Variants in MTNR1B observed in about 807,000 individuals in gnomAD.
MTNR1B encodes the protein melatonin receptor 1B, also known as melatonin receptor type 1B.
A neutral mutation model predicts 7.0 loss-of-function variants in MTNR1B; 7 were observed. The observed-to-expected ratio is 1.00, with a 90% confidence interval of 0.57 to 1.88. MTNR1B has a LOEUF of 1.88. MTNR1B is among the 40% of genes most tolerant of loss of function. MTNR1B has a pLI of 0.00. For synonymous variants in MTNR1B, 226 were observed against 208.2 expected, an observed-to-expected ratio of 1.09 and a Z score of -0.74; for missense variants, 478 against 486.5, an observed-to-expected ratio of 0.98 and a Z score of 0.16.
At chr11:92,975,080 GC>G (rs1857992159) in intron 1 of MTNR1B, among the ~76,000 whole-genome samples, 1 of 152,194 alleles carries the variant, frequency 6.6e-6, no homozygotes, top group Non-Finnish European at 1.5e-5. Context: ...GACTAATACA[GC>G]CCCTTTCTTG....
Position 92,971,097 on chromosome 11 carries a change from T to C in MTNR1B, c.223+1149T>C, listed in dbSNP as rs577155835. On this transcript the variant is annotated intron_variant, in intron 1 of 1. Transcript: ENST00000257068. Reference sequence around the variant, plus strand: ...GCCTCAGCCTCCCGAGTAGCTGGGATTACAGGCGCTCGCCACTACACCCAG... The same window carrying C: ...GCCTCAGCCTCCCGAGTAGCTGGGACTACAGGCGCTCGCCACTACACCCAG... Among the ~76,000 whole-genome samples the C allele has an allele frequency of 7.6e-4, 116 of 152,058 alleles. 1 individual carries two copies. Among genetic ancestry groups the C allele is most frequent in the African/African-American group, 2.7e-3 (113 of 41,398 alleles).
chr11:92,971,454 A>G lies in MTNR1B; in HGVS notation c.223+1506A>G, dbSNP rs529784344. ...AAGAAAAGCTTATATATTAGGGAAA[A>G]ACAGGTTATGATTAGAAAACTGCAT... On this transcript the variant is annotated intron_variant, in intron 1 of 1. Coordinates refer to ENST00000257068, the MANE Select transcript of MTNR1B (RefSeq NM_005959.5). Among the ~76,000 whole-genome samples, 15 of 152,312 alleles carry G rather than the reference A, an allele frequency of 9.8e-5. No homozygotes were observed. The East Asian group carries it at 1.9e-3, about 20-fold the overall frequency.
At chr11:92,977,820 A>G (rs566875150) in intron 1 of MTNR1B, among the ~76,000 whole-genome samples, 2 of 152,360 alleles carry the variant, frequency 1.3e-5, no homozygotes, top group South Asian at 4.1e-4. Flanking sequence ...ACACATTTAA[A>G]CAGATGGAAG....
chr11:92,984,143 C>T (rs1858162341), downstream of MTNR1B, among the ~76,000 whole-genome samples: 1 of 152,124 alleles, frequency 6.6e-6, no homozygotes, highest in Non-Finnish European at 1.5e-5. Context: ...ATGAAGAACC[C>T]AGGATTTTCT....
At chr11:92,975,327 T>C (rs1011218463) in intron 1 of MTNR1B, among the ~76,000 whole-genome samples, 1 of 152,234 alleles carries the variant, frequency 6.6e-6, no homozygotes, top group Non-Finnish European at 1.5e-5. Context: ...AAAGAGGCTG[T>C]CTGGGAGGTT....
Position 92,981,731 on chromosome 11 carries a change from GT to G in MTNR1B, c.509del (p.Val170GlyfsTer73). 1 of 1,614,216 alleles carries G rather than the reference GT, an allele frequency of 6.2e-7. No homozygotes were observed. The highest frequency in any genetic ancestry group is 2.2e-5 in the East Asian group (1 of 44,888). On this transcript the variant is annotated frameshift_variant, in exon 2 of 2. Transcript: ENST00000257068. LOFTEE classifies it low-confidence loss of function (END_TRUNC). ...HICLIWLLTV[V>X]ALLPNFFVGS... ...CTGCCTCATCTGGCTCCTCACCGTG[GT>G]GGCCTTGCTGCCCAACTTCTTTGTG... is the stretch of plus-strand genomic sequence containing the variant.
At chr11:92,977,818 A>G (rs7936652) in intron 1 of MTNR1B, among the ~76,000 whole-genome samples, 2,604 of 152,346 alleles carry the variant, frequency 0.017, 41 homozygotes, top group African/African-American at 0.042. Flanking sequence ...TTACACATTT[A>G]AACAGATGGA....
At chr11:92,972,358 A>G (rs1857940263) in intron 1 of MTNR1B, 1 of 454,924 alleles carries the variant, frequency 2.2e-6, no homozygotes, top group East Asian at 7.0e-5. Flanking sequence ...TTACTTGCCT[A>G]TCACAAACCC....
At chr11:92,971,724 C>T (rs1857926559) in intron 1 of MTNR1B, among the ~76,000 whole-genome samples, 1 of 152,126 alleles carries the variant, frequency 6.6e-6, no homozygotes, top group Non-Finnish European at 1.5e-5. Context: ...GAGTTGCTTC[C>T]TTTTGCTGGA....
At position 92,982,254 on chromosome 11, in the gene MTNR1B, G is replaced by A; in HGVS notation, c.1031G>A (p.Gly344Glu). Residue 344 changes from glycine to glutamate, a missense_variant, in exon 2 of 2, where the codon GGG becomes GAG. Coordinates refer to ENST00000257068, the MANE Select transcript of MTNR1B (RefSeq NM_005959.5). Reference sequence around the variant, plus strand: ...GCTTCCAAGGGCAGCCACGCGGAGGGGCTGCAGAGCCCAGCTCCACCCATC... The same window carrying A: ...GCTTCCAAGGGCAGCCACGCGGAGGAGCTGCAGAGCCCAGCTCCACCCATC... ...QDASKGSHAE[G>E]LQSPAPPIIG... The A allele has an allele frequency of 6.2e-7, 1 of 1,614,164 alleles. No homozygotes were observed. The highest frequency in any genetic ancestry group is 8.5e-7 in the Non-Finnish European group (1 of 1,180,028).
intron 1 of MTNR1B, among the ~76,000 whole-genome samples, chr11:92,973,610 A>C (rs1185284081): frequency 6.6e-6 from 1 of 151,738 alleles, no homozygotes; most frequent in Non-Finnish European, 1.5e-5. Flanking sequence ...TCCTTCCCCA[A>C]CTCCCCTGAA....
chr11:92,977,225 A>G (rs1858023099), intron 1 of MTNR1B, among the ~76,000 whole-genome samples: 2 of 152,194 alleles, frequency 1.3e-5, no homozygotes, highest in African/African-American at 2.4e-5. Context: ...TTAGATTTCA[A>G]CTCAGCTCTT....
intron 1 of MTNR1B, among the ~76,000 whole-genome samples, chr11:92,980,452 G>A (rs56174635): frequency 2.0e-5 from 3 of 152,204 alleles, no homozygotes; most frequent in East Asian, 1.9e-4. Context: ...TGCTCTATTC[G>A]TGAGTCAGTG....
chr11:92,974,882 G>A (rs1055760709), intron 1 of MTNR1B, among the ~76,000 whole-genome samples: 10 of 152,136 alleles, frequency 6.6e-5, no homozygotes, highest in Admixed American at 5.2e-4. Context: ...GATTACAGGC[G>A]TGAGCCACCG....
Position 92,981,601 on chromosome 11 carries a change from C to T in MTNR1B, c.378C>T (p.Gly126=), listed in dbSNP as rs144898464. 816 of 1,614,180 alleles carry T rather than the reference C, an allele frequency of 5.1e-4. 3 individuals carry two copies. The African/African-American group carries it at 6.6e-3, about 13-fold the overall frequency. ...SAFVMGLSVI[G]SVFNITAIAI... ...TTGTGATGGGCCTGAGCGTCATCGGCTCTGTCTTCAATATCACTGCCATCG... is the reference window on the plus strand; with the variant it reads ...TTGTGATGGGCCTGAGCGTCATCGGTTCTGTCTTCAATATCACTGCCATCG... The change falls in exon 2 of 2, where the codon GGC becomes GGT. Residue 126 remains glycine (G), a synonymous_variant. Transcript: ENST00000257068.
At position 92,982,040 on chromosome 11, in the gene MTNR1B, G is replaced by A. The variant is rs750191414; in HGVS notation, c.817G>A (p.Ala273Thr). The A allele has an allele frequency of 6.8e-6, 11 of 1,614,202 alleles. No individual in the cohort carries two copies. The highest frequency in any genetic ancestry group is 4.5e-5 in the East Asian group (2 of 44,872). ...GGCTCCACTTAACTGCATCGGCCTCGCTGTGGCCATCAACCCCCAAGAAAT... is the reference window on the plus strand; with the variant it reads ...GGCTCCACTTAACTGCATCGGCCTCACTGTGGCCATCAACCCCCAAGAAAT... The part of the protein sequence containing the change: ...CWAPLNCIGL[A>T]VAINPQEMAP... Residue 273 changes from alanine to threonine, a missense_variant, in exon 2 of 2, where the codon GCT becomes ACT. Transcript: ENST00000257068.
intron 1 of MTNR1B, among the ~76,000 whole-genome samples, chr11:92,977,484 A>G (rs1858028055): frequency 6.6e-6 from 1 of 152,264 alleles, no homozygotes; most frequent in South Asian, 2.1e-4. Flanking sequence ...CCTTTCCCAT[A>G]CAACATCTTA....
Position 92,969,838 on chromosome 11 carries a change from G to A in MTNR1B, c.113G>A (p.Trp38Ter), listed in dbSNP as rs1328549646. Residue 38 changes from tryptophan to a stop codon, truncating the protein, a stop_gained, in exon 1 of 2, where the codon TGG becomes TAG. Transcript: ENST00000257068. LOFTEE classifies it high-confidence loss of function. ...ARPSRTPRPP[W>*]VAPALSAVLI... is the part of the protein sequence containing the mutation. ...CCCTCCAGGACCCCTCGACCTCCCT[G>A]GGTGGCTCCAGCGCTGTCCGCGGTG... 2 of 1,607,314 alleles carry A rather than the reference G, an allele frequency of 1.2e-6. No individual in the cohort carries two copies. Among genetic ancestry groups the A allele is most frequent in the South Asian group, 1.1e-5 (1 of 89,450 alleles).
chr11:92,972,705 T>G, intron 1 of MTNR1B: 1 of 367,342 alleles, frequency 2.7e-6, no homozygotes, highest in Non-Finnish European at 5.4e-6. Context: ...TTGCCACACT[T>G]TTGACTCTAC....
Sources: gnomAD v4.1 joint callset for allele counts (sites outside exome capture counted in the v4.1 genomes callset) on GRCh38, gnomAD v4.1.1 for gene constraint, MANE v1.5 for transcripts, NCBI Gene and HGNC (gene_info 2026-07-23, HGNC 2026-07-21) for gene names.